The following ADGRL3 variants were observed in gnomAD, a reference collection of about 807,000 sequenced individuals.
ADGRL3 encodes the protein calcium-independent alpha-latrotoxin receptor 3.
ADGRL3 carries 62 observed loss-of-function variants against 153.5 expected under a neutral mutation model. That is an observed-to-expected ratio of 0.40 (90% confidence interval 0.33 to 0.50). The LOEUF is 0.50. Among genes scored for constraint, ADGRL3 ranks in the 20% least tolerant of loss-of-function variants. The probability of loss-of-function intolerance (pLI) is 0.47; values close to 1 mark genes in which losing one functional copy is unlikely to be tolerated. For synonymous variants in ADGRL3, 710 were observed against 672.5 expected (o/e 1.06, Z -0.86); for missense variants, 1,641 against 1,859.4 (o/e 0.88, Z 2.16).
In ADGRL3 at chr4:61,391,629, A is replaced by AT. The variant is rs201550073; in HGVS notation, c.-174+8450dup. On this transcript the variant is annotated intron_variant, in intron 2 of 26. Coordinates refer to ENST00000683033, the MANE Select transcript of ADGRL3 (RefSeq NM_001387552.1). The stretch of plus-strand genomic sequence containing the variant: ...GGTCATATAGTAAGTCTATCTATTG[A>AT]TTTTTTTTTTATTTCTAAGTTTCAT... Among the ~76,000 whole-genome samples, 29 of 149,386 alleles carry AT rather than the reference A, an allele frequency of 1.9e-4. 1 individual carries two copies. The highest frequency in any genetic ancestry group is 3.9e-4 in the East Asian group (2 of 5,064).
intron 2 of ADGRL3, among the ~76,000 whole-genome samples, chr4:61,401,578 T>G (rs1182034226): frequency 2.0e-5 from 3 of 152,016 alleles, no homozygotes; most frequent in Non-Finnish European, 2.9e-5. Flanking sequence ...ATAACTATTA[T>G]GGTTTAAGTT....
In ADGRL3 at chr4:61,205,332, A is replaced by C. The variant is rs1736611107; in HGVS notation, c.-240+3567A>C. On this transcript the variant is annotated intron_variant, in intron 1 of 26. Transcript: ENST00000683033. ...AAATCAGCAAGGAAAACTGATTGCG[A>C]TTTTCATATTTAGGATCAAACAGTG... Among the ~76,000 whole-genome samples the C allele has an allele frequency of 2.0e-5, 3 of 152,146 alleles. No homozygotes were observed. The South Asian group carries it at 6.2e-4, about 32-fold the overall frequency.
chr4:61,606,639 A>G (rs1322119435), intron 5 of ADGRL3, among the ~76,000 whole-genome samples: 1 of 152,154 alleles, frequency 6.6e-6, no homozygotes, highest in East Asian at 1.9e-4. Flanking sequence ...CCCGTCTTCA[A>G]ATATAGTCAC....
chr4:61,458,457 T>C (rs1357330218), intron 2 of ADGRL3, among the ~76,000 whole-genome samples: 3 of 151,230 alleles, frequency 2.0e-5, no homozygotes, highest in Non-Finnish European at 4.4e-5. Context: ...AGTGTTGTAC[T>C]AAAAATATAC....
intron 5 of ADGRL3, among the ~76,000 whole-genome samples, chr4:61,656,747 A>C (rs1328658046): frequency 6.6e-6 from 1 of 152,178 alleles, no homozygotes; most frequent in Non-Finnish European, 1.5e-5. Context: ...AGTTACAGTA[A>C]AACAATGAAT....
chr4:61,799,302 ACTT>A (rs2097459036), intron 8 of ADGRL3, among the ~76,000 whole-genome samples: 1 of 151,866 alleles, frequency 6.6e-6, no homozygotes, highest in African/African-American at 2.4e-5. Context: ...GGACTAGCAA[ACTT>A]CTTCTGTAAA....
intron 4 of ADGRL3, among the ~76,000 whole-genome samples, chr4:61,545,712 G>T (rs1560817092): frequency 6.6e-6 from 1 of 152,028 alleles, no homozygotes. Context: ...GCAGGGTTTG[G>T]CTGTGTTGGC....
chr4:61,783,972 ATGACT>A (rs1298858049), intron 8 of ADGRL3, among the ~76,000 whole-genome samples: 2 of 152,128 alleles, frequency 1.3e-5, no homozygotes, highest in Non-Finnish European at 2.9e-5. Context: ...TGCAACTTTT[ATGACT>A]TGACCTAATA....
chr4:61,623,243 C>A (rs1407375173), intron 5 of ADGRL3, among the ~76,000 whole-genome samples: 1 of 152,026 alleles, frequency 6.6e-6, no homozygotes, highest in Non-Finnish European at 1.5e-5. Context: ...CTCAGTTGTT[C>A]TTGCTTCTCT....
At chr4:61,326,464 CT>C (rs2095467551) in intron 1 of ADGRL3, among the ~76,000 whole-genome samples, 1 of 151,740 alleles carries the variant, frequency 6.6e-6, no homozygotes, top group African/African-American at 2.4e-5. Context: ...AGTATTACCC[CT>C]AATAGTAGCT....
intron 6 of ADGRL3, among the ~76,000 whole-genome samples, chr4:61,690,297 A>T (rs2095517084): frequency 6.6e-6 from 1 of 152,230 alleles, no homozygotes. Context: ...ATAAAAAATT[A>T]GCCAGGTGTG....
chr4:61,654,311 A>G (rs2094372765), intron 5 of ADGRL3, among the ~76,000 whole-genome samples: 1 of 152,066 alleles, frequency 6.6e-6, no homozygotes, highest in Non-Finnish European at 1.5e-5. Flanking sequence ...AACATTAAAA[A>G]TTTTACAAAA....
chr4:61,740,938 T>C (rs939240957), intron 8 of ADGRL3, among the ~76,000 whole-genome samples: 4 of 152,182 alleles, frequency 2.6e-5, no homozygotes, highest in Admixed American at 6.5e-5. Flanking sequence ...CATAACAGTT[T>C]AACAATGAGG....
chr4:61,726,151 A>T lies in ADGRL3; in HGVS notation c.584-4471A>T, dbSNP rs931488979. 3.3e-5 allele frequency among the ~76,000 whole-genome samples: 5 copies of T among 150,248 alleles called. No homozygotes were observed. The South Asian group carries it at 1.1e-3, about 32-fold the overall frequency. Reference sequence around the variant, plus strand: ...GAGAACCTAAATGCTCCAAAATCTGAAAATTTTTTAGTGCAAACATGATGC... The same window carrying T: ...GAGAACCTAAATGCTCCAAAATCTGTAAATTTTTTAGTGCAAACATGATGC... On this transcript the variant is annotated intron_variant, in intron 6 of 26. Transcript: ENST00000683033.
rs966961642 is a variant in ADGRL3, at chr4:62,053,082, A to G, written c.3814+8533A>G. On this transcript the variant is annotated intron_variant, in intron 25 of 26. Coordinates refer to ENST00000683033, the MANE Select transcript of ADGRL3 (RefSeq NM_001387552.1). Reference sequence around the variant, plus strand: ...ACATAAAGGTTGTGATGATATAGATACCATATATAATATTCAAAGTTAATT... The same window carrying G: ...ACATAAAGGTTGTGATGATATAGATGCCATATATAATATTCAAAGTTAATT... 8.6e-5 allele frequency among the ~76,000 whole-genome samples: 13 copies of G among 151,502 alleles called. 1 individual carries two copies. The highest frequency in any genetic ancestry group is 3.1e-4 in the African/African-American group (13 of 41,410).
intron 6 of ADGRL3, among the ~76,000 whole-genome samples, chr4:61,683,261 T>C (rs2095375057): frequency 6.6e-6 from 1 of 152,020 alleles, no homozygotes; most frequent in African/African-American, 2.4e-5. Context: ...TGTAGGCACA[T>C]GCCACCACAC....
At chr4:61,614,078 A>G (rs1456314741) in intron 5 of ADGRL3, among the ~76,000 whole-genome samples, 9 of 152,152 alleles carry the variant, frequency 5.9e-5, no homozygotes. Context: ...AGGAAATACA[A>G]TATCTATAGC....
intron 18 of ADGRL3, among the ~76,000 whole-genome samples, chr4:61,981,372 A>G (rs551562345): frequency 6.6e-6 from 1 of 152,088 alleles, no homozygotes; most frequent in South Asian, 2.1e-4. Flanking sequence ...TTTGGAAAAT[A>G]GTACAACCTG....
chr4:61,374,861 T>A (rs772154268), intron 1 of ADGRL3, among the ~76,000 whole-genome samples: 6 of 152,116 alleles, frequency 3.9e-5, no homozygotes, highest in Non-Finnish European at 7.4e-5. Context: ...TTAGTTAGAA[T>A]ACATTTATTG....
Sources: gnomAD v4.1 joint callset for allele counts (sites outside exome capture counted in the v4.1 genomes callset) on GRCh38, gnomAD v4.1.1 for gene constraint, MANE v1.5 for transcripts, NCBI Gene and HGNC (gene_info 2026-07-23, HGNC 2026-07-21) for gene names.